Variants in PALS1 observed in about 807,000 individuals in gnomAD.
The protein encoded by PALS1 is protein PALS1.
PALS1 carries 31 observed loss-of-function variants against 78.9 expected under a neutral mutation model. The observed-to-expected ratio is 0.39, with a 90% confidence interval of 0.30 to 0.53. The LOEUF is 0.53. Among genes scored for constraint, PALS1 ranks in the 20% least tolerant of loss-of-function variants. The pLI, the probability that PALS1 is intolerant of heterozygous loss-of-function variation, is 0.67. For missense variants in PALS1, 704 were observed against 826.5 expected (o/e 0.85, Z 1.82); for synonymous variants, 276 against 270.9 (o/e 1.02, Z -0.18).
At chr14:67,314,242 T>C (rs1389805885) in intron 9 of PALS1, among the ~76,000 whole-genome samples, 4 of 152,168 alleles carry the variant, frequency 2.6e-5, no homozygotes, top group Non-Finnish European at 4.4e-5. Context: ...ATGAGATACA[T>C]AGTAGGAACA....
At chr14:67,242,695 C>T (rs1235122673) in intron 1 of PALS1, among the ~76,000 whole-genome samples, 1 of 151,078 alleles carries the variant, frequency 6.6e-6, no homozygotes, top group Non-Finnish European at 1.5e-5. Context: ...TTTCTATTTG[C>T]GGCAGGATGA....
chr14:67,256,173 C>T (rs1199261390), intron 1 of PALS1, among the ~76,000 whole-genome samples: 2 of 152,174 alleles, frequency 1.3e-5, no homozygotes, highest in East Asian at 3.8e-4. Context: ...CTATTATCCT[C>T]ATTTTTCAGA....
Position 67,302,462 on chromosome 14 carries a change from A to G in PALS1, c.854A>G (p.Lys285Arg), listed in dbSNP as rs947347246. The G allele has an allele frequency of 6.3e-7, 1 of 1,599,666 alleles. No homozygotes were observed. The highest frequency in any genetic ancestry group is 1.7e-5 in the Admixed American group (1 of 58,066). Residue 285 changes from lysine (K) to arginine (R), a missense_variant, in exon 7 of 15, where the codon AAA (lysine) becomes AGA (arginine). Physicochemically the swap from Lys to Arg is conservative, Grantham distance 26 (BLOSUM62 2). Coordinates refer to ENST00000261681, the MANE Select transcript of PALS1 (RefSeq NM_022474.4). ...MDSVIISRIV[K>R]GGAAEKSGLL... ...TCTGTCATCATTAGCCGGATAGTAA[A>G]AGGGGGTGCTGCAGAGAAAAGTGGT...
At chr14:67,293,735 T>C (rs1316830619) in intron 4 of PALS1, among the ~76,000 whole-genome samples, 1 of 151,996 alleles carries the variant, frequency 6.6e-6, no homozygotes, top group Non-Finnish European at 1.5e-5. Context: ...AAATATGACA[T>C]ATTTGAGAAC....
rs376871802 is a variant in PALS1, at chr14:67,279,493, A to T, written c.323A>T (p.Glu108Val). The change falls in exon 3 of 15, where the codon GAA becomes GTA. Residue 108 changes from glutamate to valine, a missense_variant. Transcript: ENST00000261681. ...GIDNPMFDTE[E>V]GIVLESPHYA... ...GATAACCCTATGTTTGATACAGAGG[A>T]AGGAATTGTCTTAGAAAGTCCTCAT... 1.9e-6 allele frequency: 3 copies of T among 1,579,490 alleles called. No homozygotes were observed. The African/African-American group carries it at 4.1e-5, about 22-fold the overall frequency.
At chr14:67,300,776 A>G (rs551907994) in intron 4 of PALS1, among the ~76,000 whole-genome samples, 2 of 152,290 alleles carry the variant, frequency 1.3e-5, no homozygotes, top group South Asian at 4.1e-4. Context: ...ATTTAATGTA[A>G]TCCATTATAT....
intron 2 of PALS1, among the ~76,000 whole-genome samples, chr14:67,272,840 G>T (rs931593612): frequency 6.6e-6 from 1 of 151,910 alleles, no homozygotes; most frequent in Non-Finnish European, 1.5e-5. Flanking sequence ...TAAATTTTTT[G>T]CATGTTTTTG....
At chr14:67,324,869 G>A (rs1220783159) in intron 14 of PALS1, among the ~76,000 whole-genome samples, 3 of 145,508 alleles carry the variant, frequency 2.1e-5, no homozygotes, top group Non-Finnish European at 3.0e-5. Context: ...GATTGCAGGT[G>A]TAAGCTACCA....
intron 3 of PALS1, among the ~76,000 whole-genome samples, chr14:67,291,536 G>A (rs983767718): frequency 5.3e-5 from 8 of 152,134 alleles, no homozygotes; most frequent in African/African-American, 1.9e-4. Context: ...ACCTGTCTGG[G>A]CCTCCCAGAG....
chr14:67,323,381 A>G (rs2085297063), intron 13 of PALS1, among the ~76,000 whole-genome samples: 1 of 151,550 alleles, frequency 6.6e-6, no homozygotes, highest in Admixed American at 6.6e-5. Context: ...GGGAGAGACC[A>G]AGGCAGGAGC....
intron 1 of PALS1, among the ~76,000 whole-genome samples, chr14:67,243,489 ATTTT>A (rs55985752): frequency 4.0e-5 from 4 of 100,290 alleles, no homozygotes; most frequent in Admixed American, 1.2e-4. Context: ...CCAGAATATA[ATTTT>A]TTTTTTTTTT....
intron 8 of PALS1, among the ~76,000 whole-genome samples, chr14:67,306,700 C>G (rs1046675622): frequency 6.6e-6 from 1 of 152,128 alleles, no homozygotes; most frequent in East Asian, 1.9e-4. Context: ...GAATAACTCT[C>G]AATTGCAATA....
rs113299402 is a variant in PALS1 at position 67,323,636 on chromosome 14, A to ATATATATC, written c.1741-65_1741-64insATATATCT. 3.5e-4 allele frequency: 151 copies of ATATATATC among 434,830 alleles called. 1 individual carries two copies. Among genetic ancestry groups the ATATATATC allele is most frequent in the African/African-American group, 2.8e-3 (129 of 45,912 alleles). 26.9% of individuals were successfully genotyped at this position (434,830 alleles called of 1,614,324 possible). On this transcript the variant is annotated intron_variant, in intron 13 of 14. Transcript: ENST00000261681. Reference sequence around the variant, plus strand: ...ATCTAATATATATATATATATATATATCAGTATTATTAGGAAGTAATTAAA... The same window carrying ATATATATC: ...ATCTAATATATATATATATATATATATATATATCTCAGTATTATTAGGAAGTAATTAAA...
At chr14:67,252,825 C>T (rs1318125793) in intron 1 of PALS1, among the ~76,000 whole-genome samples, 1 of 152,190 alleles carries the variant, frequency 6.6e-6, no homozygotes, top group African/African-American at 2.4e-5. Flanking sequence ...ATATTAGAGA[C>T]TGTTCTGTTC....
chr14:67,257,326 A>G (rs2084160424), intron 1 of PALS1, among the ~76,000 whole-genome samples: 1 of 151,910 alleles, frequency 6.6e-6, no homozygotes, highest in South Asian at 2.1e-4. Context: ...TCCACAAGGA[A>G]TTTCCTTGTG....
intron 4 of PALS1, among the ~76,000 whole-genome samples, chr14:67,300,336 C>CTTTTTTTTTTTT (rs36091817): frequency 7.2e-6 from 1 of 139,084 alleles, no homozygotes; most frequent in Non-Finnish European, 1.5e-5. Context: ...TATGAATTAC[C>CTTTTTTTTTTTT]TTTTTTTTTT....
chr14:67,288,033 C>T (rs2084716738), intron 3 of PALS1, among the ~76,000 whole-genome samples: 1 of 152,118 alleles, frequency 6.6e-6, no homozygotes, highest in Admixed American at 6.5e-5. Context: ...GTGGTGAAAT[C>T]TGAGGCCCTC....
chr14:67,316,797 A>AATAT (rs1238904045), intron 9 of PALS1, 35 bp from the exon 10 acceptor site: 14 of 1,564,428 alleles, frequency 8.9e-6, no homozygotes, highest in Non-Finnish European at 1.1e-5. Context: ...TTTTATCTTA[A>AATAT]ATATTTTACC....
intron 8 of PALS1, among the ~76,000 whole-genome samples, chr14:67,306,130 C>T (rs1259405652): frequency 2.0e-5 from 3 of 152,104 alleles, no homozygotes; most frequent in Non-Finnish European, 2.9e-5. Context: ...CCACCACATC[C>T]AGCTAATTTT....
Sources: gnomAD v4.1 joint callset for allele counts (sites outside exome capture counted in the v4.1 genomes callset) on GRCh38, gnomAD v4.1.1 for gene constraint, MANE v1.5 for transcripts, NCBI Gene and HGNC (gene_info 2026-07-23, HGNC 2026-07-21) for gene names.